MAGI2: variants seen among roughly 807,000 people sequenced by gnomAD.
MAGI2 encodes the protein membrane-associated guanylate kinase, WW and PDZ domain-containing protein 2.
Under a neutral mutation model 133.3 loss-of-function variants are expected in MAGI2, and 35 were observed. That is an observed-to-expected ratio of 0.26 (90% CI 0.20 to 0.35). MAGI2 has a LOEUF of 0.35. Among genes scored for constraint, MAGI2 ranks in the 10% least tolerant of loss-of-function variants. The pLI, the probability that MAGI2 is intolerant of heterozygous loss-of-function variation, is 1.00. For missense variants in MAGI2, 1,636 were observed against 1,863.4 expected (o/e 0.88, Z 2.25); for synonymous variants, 729 against 710.6 (o/e 1.03, Z -0.41).
At chr7:78,539,341 T>A (rs1467350748) in intron 3 of MAGI2, among the ~76,000 whole-genome samples, 3 of 152,176 alleles carry the variant, frequency 2.0e-5, no homozygotes, top group African/African-American at 7.2e-5. Flanking sequence ...TGTTAAAACA[T>A]CCTTTCATCC....
chr7:78,598,139 A>C (rs139501052), intron 3 of MAGI2, among the ~76,000 whole-genome samples: 1 of 152,316 alleles, frequency 6.6e-6, no homozygotes, highest in African/African-American at 2.4e-5. Context: ...TATTTATGGA[A>C]TGCTTTTTAT....
intron 10 of MAGI2, among the ~76,000 whole-genome samples, chr7:78,220,063 C>A (rs1563280653): frequency 6.6e-6 from 1 of 152,102 alleles, no homozygotes. Context: ...TACTCCATGA[C>A]CTGGCCCTGC....
intron 4 of MAGI2, among the ~76,000 whole-genome samples, chr7:78,503,136 A>G (rs1794766790): frequency 6.6e-6 from 1 of 152,168 alleles, no homozygotes; most frequent in Non-Finnish European, 1.5e-5. Context: ...ATCTATAGTA[A>G]CTTGAGAAAA....
chr7:78,131,564 G>C (rs756109313), intron 18 of MAGI2, among the ~76,000 whole-genome samples: 2 of 152,152 alleles, frequency 1.3e-5, no homozygotes, highest in Non-Finnish European at 2.9e-5. Context: ...AGGCCAGTGA[G>C]GGGTTTATAT....
intron 16 of MAGI2, among the ~76,000 whole-genome samples, chr7:78,155,687 A>T (rs532950865): frequency 1.3e-5 from 2 of 152,320 alleles, no homozygotes; most frequent in African/African-American, 4.8e-5. Flanking sequence ...ACAGATAGAA[A>T]GCTTCTAAGC....
intron 6 of MAGI2, among the ~76,000 whole-genome samples, chr7:78,475,278 C>T (rs113872230): frequency 0.052 from 7,906 of 152,004 alleles, 263 homozygotes; most frequent in East Asian, 0.088. Context: ...AAAAATCATG[C>T]AGCATCTTGA....
At chr7:78,623,166 TA>T (rs1481184199) in intron 3 of MAGI2, among the ~76,000 whole-genome samples, 1 of 152,086 alleles carries the variant, frequency 6.6e-6, no homozygotes, top group African/African-American at 2.4e-5. Context: ...ACATTTGACA[TA>T]ATTTTTCAGC....
At position 79,101,313 on chromosome 7, in the gene MAGI2, T is replaced by C. The variant is rs147739299; in HGVS notation, c.302-94107A>G. 2.1e-3 allele frequency among the ~76,000 whole-genome samples: 327 copies of C among 152,306 alleles called. 1 individual carries two copies. The highest frequency in any genetic ancestry group is 4.1e-3 in the Non-Finnish European group (279 of 68,024). On this transcript the variant is annotated intron_variant, in intron 1 of 21. Coordinates refer to ENST00000354212, the MANE Select transcript of MAGI2 (RefSeq NM_012301.4). ...CTTACTGAACATCATTATATTAAGC[T>C]TGAAGACCAGAACTAGGTGGGCTGT...
chr7:78,317,650 C>T (rs1787560283), intron 9 of MAGI2, among the ~76,000 whole-genome samples: 1 of 152,234 alleles, frequency 6.6e-6, no homozygotes, highest in Admixed American at 6.5e-5. Context: ...AAGGGACAGA[C>T]TGCCTCCTCA....
intron 6 of MAGI2, among the ~76,000 whole-genome samples, chr7:78,432,709 T>C (rs1799916514): frequency 6.6e-6 from 1 of 152,054 alleles, no homozygotes; most frequent in South Asian, 2.1e-4. Flanking sequence ...AATTGTTTCT[T>C]GTATAGTTTA....
intron 9 of MAGI2, among the ~76,000 whole-genome samples, chr7:78,326,347 CTCTTA>C (rs1788586987): frequency 6.6e-6 from 1 of 152,258 alleles, no homozygotes; most frequent in African/African-American, 2.4e-5. Context: ...ATGACATCTC[CTCTTA>C]TGAGAGACTC....
chr7:78,577,609 T>C (rs150766243), intron 3 of MAGI2, among the ~76,000 whole-genome samples: 3 of 148,112 alleles, frequency 2.0e-5, no homozygotes, highest in Admixed American at 6.8e-5. Context: ...GGGGCTGTTT[T>C]ATAGGATTTG....
chr7:79,387,095 T>C (rs1188098237), intron 1 of MAGI2, among the ~76,000 whole-genome samples: 1 of 29,134 alleles, frequency 3.4e-5, no homozygotes, highest in East Asian at 3.7e-3. Flanking sequence ...TTTTTATGCT[T>C]GTGTGTGTGT....
At chr7:78,171,073 C>T (rs1394653184) in intron 14 of MAGI2, among the ~76,000 whole-genome samples, 1 of 152,180 alleles carries the variant, frequency 6.6e-6, no homozygotes, top group South Asian at 2.1e-4. Flanking sequence ...GCTCCTTAGC[C>T]TTTGGCATTT....
At chr7:78,955,775 T>TTCTTTTCTG (rs1554310460) in intron 2 of MAGI2, among the ~76,000 whole-genome samples, 2 of 150,150 alleles carry the variant, frequency 1.3e-5, no homozygotes, top group Admixed American at 6.7e-5. Flanking sequence ...CTTTCTTTCT[T>TTCTTTTCTG]TCTTTCTTTC....
chr7:78,139,863 A>G (rs1313850910), intron 16 of MAGI2, among the ~76,000 whole-genome samples: 3 of 152,326 alleles, frequency 2.0e-5, no homozygotes, highest in Admixed American at 2.0e-4. Flanking sequence ...ATAAAACAAT[A>G]TTGTCTACTT....
chr7:78,926,558 A>T (rs994594343), intron 2 of MAGI2, among the ~76,000 whole-genome samples: 1 of 151,900 alleles, frequency 6.6e-6, no homozygotes, highest in Non-Finnish European at 1.5e-5. Flanking sequence ...AAGATTCCAA[A>T]TGCCCTTCCC....
intron 9 of MAGI2, among the ~76,000 whole-genome samples, chr7:78,328,209 T>C (rs1018805048): frequency 2.6e-5 from 4 of 152,028 alleles, no homozygotes; most frequent in African/African-American, 4.8e-5. Context: ...AAAAATGACC[T>C]TTGCATTTTG....
intron 3 of MAGI2, chr7:78,619,121 T>C (rs529857182): frequency 6.6e-5 from 10 of 151,604 alleles, no homozygotes; most frequent in South Asian, 2.1e-4. Flanking sequence ...CATAGTGCCA[T>C]GTTTTGAAAC....
Sources: gnomAD v4.1 joint callset for allele counts (sites outside exome capture counted in the v4.1 genomes callset) on GRCh38, gnomAD v4.1.1 for gene constraint, MANE v1.5 for transcripts, NCBI Gene and HGNC (gene_info 2026-07-23, HGNC 2026-07-21) for gene names.